FGD4: variants seen among roughly 807,000 people sequenced by gnomAD.
FGD4 encodes the protein FYVE, RhoGEF and PH domain containing 4.
A neutral mutation model predicts 102.0 loss-of-function variants in FGD4; 42 were observed. The ratio of observed to expected loss-of-function variants is 0.41; its 90% CI spans 0.32 to 0.53. The LOEUF (loss-of-function observed/expected upper bound fraction) is 0.53, where lower values mean the gene tolerates loss of function less well. Among genes scored for constraint, FGD4 ranks in the 20% least tolerant of loss-of-function variants. The pLI is 0.21. For missense variants in FGD4, 902 were observed against 1,078.2 expected (o/e 0.84, Z 2.29); for synonymous variants, 380 against 375.7 (o/e 1.01, Z -0.13).
Position 32,633,601 on chromosome 12 carries a change from G to A in FGD4, c.2225G>A (p.Gly742Asp), listed in dbSNP as rs886049255. 6.2e-7 allele frequency: 1 copy of A among 1,613,836 alleles called. No homozygotes were observed. The highest frequency in any genetic ancestry group is 8.5e-7 in the Non-Finnish European group (1 of 1,179,822). ...DYKAQLEYDGGKLSKVCKDCY... is the reference protein window; with the variant it reads ...DYKAQLEYDGDKLSKVCKDCY... Reference sequence around the variant, plus strand: ...AAAGCTCAACTTGAATATGATGGTGGTAAATTGAGCAAAGTTTGTAAAGAC... The same window carrying A: ...AAAGCTCAACTTGAATATGATGGTGATAAATTGAGCAAAGTTTGTAAAGAC... The change falls in exon 15 of 17, where the codon GGT becomes GAT. Residue 742 changes from glycine to aspartate, a missense_variant. Transcript: ENST00000534526.
At chr12:32,535,865 CAT>C (rs1421835221) in intron 1 of FGD4, among the ~76,000 whole-genome samples, 6 of 152,142 alleles carry the variant, frequency 3.9e-5, no homozygotes, top group African/African-American at 7.2e-5. Context: ...TGTTGATAAA[CAT>C]AGAGAACTTG....
At chr12:32,451,834 CAAAAAAAAAAAAAAA>C (rs60760923) in intron 1 of FGD4, among the ~76,000 whole-genome samples, 48 of 24,160 alleles carry the variant, frequency 2.0e-3, no homozygotes, top group African/African-American at 5.9e-3. Flanking sequence ...AACTCCATCT[CAAAAAAAAAAAAAAA>C]AAAAAAAAAA....
chr12:32,634,817 A>G (rs1016794673), intron 15 of FGD4, among the ~76,000 whole-genome samples: 2 of 152,162 alleles, frequency 1.3e-5, no homozygotes, highest in African/African-American at 4.8e-5. Context: ...GTGAAACCCC[A>G]TCTCAGCTAA....
At chr12:32,568,824 A>G (rs933317707) in intron 2 of FGD4, among the ~76,000 whole-genome samples, 2 of 152,238 alleles carry the variant, frequency 1.3e-5, no homozygotes, top group Non-Finnish European at 2.9e-5. Context: ...AAGACTACTG[A>G]CTTAAACTGG....
intron 10 of FGD4, among the ~76,000 whole-genome samples, chr12:32,618,189 G>T (rs918232270): frequency 6.6e-6 from 1 of 152,210 alleles, no homozygotes; most frequent in South Asian, 2.1e-4. Context: ...ACAAGTATCG[G>T]ATAACTCACA....
chr12:32,411,076 G>A (rs1941187680), intron 1 of FGD4, among the ~76,000 whole-genome samples: 1 of 151,028 alleles, frequency 6.6e-6, no homozygotes, highest in African/African-American at 2.4e-5. Context: ...GATTACAGGC[G>A]CGCCACCACG....
chr12:32,528,600 A>G (rs1345495047), intron 1 of FGD4, among the ~76,000 whole-genome samples: 2 of 152,098 alleles, frequency 1.3e-5, no homozygotes, highest in African/African-American at 4.8e-5. Context: ...CATGTTGACC[A>G]TGCTGTTCTC....
chr12:32,623,643 A>G (rs1949980637), intron 11 of FGD4, among the ~76,000 whole-genome samples: 2 of 152,196 alleles, frequency 1.3e-5, no homozygotes, highest in Non-Finnish European at 2.9e-5. Context: ...TCCTCTTCAG[A>G]ATTTTTCAAT....
intron 1 of FGD4, among the ~76,000 whole-genome samples, chr12:32,435,594 G>A (rs534380872): frequency 4.4e-4 from 67 of 151,374 alleles, no homozygotes; most frequent in African/African-American, 1.6e-3. Flanking sequence ...ATACTCATTA[G>A]CGAATATAAT....
At chr12:32,410,354 C>T (rs1273884986) in intron 1 of FGD4, among the ~76,000 whole-genome samples, 1 of 151,652 alleles carries the variant, frequency 6.6e-6, no homozygotes, top group African/African-American at 2.4e-5. Flanking sequence ...CCAGTATGGC[C>T]CGTAGTCTTA....
intron 4 of FGD4, among the ~76,000 whole-genome samples, chr12:32,584,625 C>G (rs1261550311): frequency 1.3e-5 from 2 of 151,788 alleles, no homozygotes; most frequent in Non-Finnish European, 2.9e-5. Context: ...ATCTTAAGGC[C>G]CATTTCAGTG....
intron 1 of FGD4, among the ~76,000 whole-genome samples, chr12:32,512,681 G>C (rs1939504020): frequency 6.6e-6 from 1 of 152,170 alleles, no homozygotes; most frequent in East Asian, 1.9e-4. Context: ...GAGTTGATTG[G>C]AGACAGGCTG....
intron 1 of FGD4, among the ~76,000 whole-genome samples, chr12:32,456,795 C>T (rs1942959452): frequency 6.6e-6 from 1 of 152,166 alleles, no homozygotes; most frequent in African/African-American, 2.4e-5. Flanking sequence ...AGATCCTCTT[C>T]CACAAAAAGA....
intron 1 of FGD4, among the ~76,000 whole-genome samples, chr12:32,410,903 T>C (rs1416178205): frequency 6.6e-6 from 1 of 151,514 alleles, no homozygotes; most frequent in African/African-American, 2.4e-5. Flanking sequence ...AAAAGCACAA[T>C]GACTTTACAA....
At position 32,582,138 on chromosome 12, in the gene FGD4, A is replaced by G; in HGVS notation, c.682A>G (p.Asn228Asp). Reference protein sequence around the residue: ...KTQGAQTCVANGVMAAQNQME... With the variant: ...KTQGAQTCVADGVMAAQNQME... Reference sequence around the variant, plus strand: ...TCAGGGTGCACAGACTTGTGTGGCCAACGGTGTAATGGCAGCACAAAACCA... The same window carrying G: ...TCAGGGTGCACAGACTTGTGTGGCCGACGGTGTAATGGCAGCACAAAACCA... The change falls in exon 4 of 17, where the codon AAC becomes GAC. Residue 228 changes from asparagine (N) to aspartate (D), a missense_variant. Transcript: ENST00000534526. The G allele has an allele frequency of 2.5e-6, 4 of 1,614,236 alleles. No homozygotes were observed. Among genetic ancestry groups the G allele is most frequent in the Non-Finnish European group, 3.4e-6 (4 of 1,180,046 alleles).
At chr12:32,605,028 T>A (rs1421824876) in intron 7 of FGD4, among the ~76,000 whole-genome samples, 2 of 140,140 alleles carry the variant, frequency 1.4e-5, no homozygotes, top group South Asian at 4.8e-4. Context: ...AACCTCTGCC[T>A]CCTGGGTTCA....
chr12:32,637,433 A>G (rs1950902234), intron 15 of FGD4, among the ~76,000 whole-genome samples: 1 of 151,526 alleles, frequency 6.6e-6, no homozygotes, highest in Non-Finnish European at 1.5e-5. Context: ...CATCTCTACT[A>G]AAAGTACAAA....
intron 3 of FGD4, among the ~76,000 whole-genome samples, chr12:32,577,903 G>C (rs1215951233): frequency 6.6e-6 from 1 of 152,158 alleles, no homozygotes; most frequent in African/African-American, 2.4e-5. Flanking sequence ...TGCATCCCTA[G>C]ATTTCAGGGA....
rs1460769125 is a variant in FGD4 at position 32,481,160 on chromosome 12, C to T, written c.166+81201C>T. Reference sequence around the variant, plus strand: ...AAAAAAAAAAAAAAAAAAAAAAAGCCGGGCGCAGTGGCTCATGCCTGTAAT... The same window carrying T: ...AAAAAAAAAAAAAAAAAAAAAAAGCTGGGCGCAGTGGCTCATGCCTGTAAT... On this transcript the variant is annotated intron_variant, in intron 1 of 16. Coordinates refer to ENST00000534526, the MANE Select transcript of FGD4 (RefSeq NM_001370298.3). Among the ~76,000 whole-genome samples the T allele has an allele frequency of 2.1e-4, 14 of 66,478 alleles. No individual in the cohort carries two copies. The South Asian group carries it at 4.1e-3, about 19-fold the overall frequency. 43.6% of individuals were successfully genotyped at this position (66,478 alleles called of 152,430 possible).
Sources: gnomAD v4.1 joint callset for allele counts (sites outside exome capture counted in the v4.1 genomes callset) on GRCh38, gnomAD v4.1.1 for gene constraint, MANE v1.5 for transcripts, NCBI Gene and HGNC (gene_info 2026-07-23, HGNC 2026-07-21) for gene names.